CNGA1: variants seen among roughly 807,000 people sequenced by gnomAD.
The protein encoded by CNGA1 is cyclic nucleotide gated channel subunit alpha 1.
A neutral mutation model predicts 69.7 loss-of-function variants in CNGA1; 53 were observed. The observed-to-expected ratio is 0.76, with a 90% CI of 0.61 to 0.96. The LOEUF (loss-of-function observed/expected upper bound fraction) is 0.96. CNGA1 is among the 40% of genes least tolerant of loss of function. The pLI, the probability that CNGA1 is intolerant of heterozygous loss-of-function variation, is 0.00. For synonymous variants in CNGA1, 249 were observed against 283.5 expected, an observed-to-expected ratio of 0.88 and a Z score of 1.22; for missense variants, 739 against 811.2, an observed-to-expected ratio of 0.91 and a Z score of 1.08.
chr4:47,986,844 C>T (rs981043719), intron 2 of CNGA1, among the ~76,000 whole-genome samples: 3 of 152,078 alleles, frequency 2.0e-5, no homozygotes, highest in African/African-American at 7.2e-5. Context: ...AGGAAAGGAA[C>T]TGAACTGGAA....
intron 3 of CNGA1, among the ~76,000 whole-genome samples, chr4:47,955,173 CTTTTTTTTTTTTTT>C (rs377338639): frequency 1.1e-3 from 112 of 98,200 alleles, no homozygotes; most frequent in African/African-American, 4.4e-3. Context: ...TTTTTCTTTT[CTTTTTTTTTTTTTT>C]TTTTTTTTTT....
chr4:47,948,094 A>G (rs1396338806), intron 6 of CNGA1, among the ~76,000 whole-genome samples: 1 of 152,106 alleles, frequency 6.6e-6, no homozygotes, highest in Non-Finnish European at 1.5e-5. Flanking sequence ...CAGGGCTTTG[A>G]CCAGTGCCAT....
chr4:47,990,515 T>G (rs1443616276), intron 2 of CNGA1, among the ~76,000 whole-genome samples: 1 of 152,166 alleles, frequency 6.6e-6, no homozygotes, highest in Non-Finnish European at 1.5e-5. Context: ...AGACAATGCA[T>G]GCACAGTGGG....
intron 2 of CNGA1, among the ~76,000 whole-genome samples, chr4:48,007,519 T>C (rs1714975365): frequency 6.6e-6 from 1 of 152,202 alleles, no homozygotes; most frequent in Non-Finnish European, 1.5e-5. Flanking sequence ...CAAGAGGGCC[T>C]GAAGATGAGG....
At chr4:47,994,860 T>A (rs2110239783) in intron 2 of CNGA1, among the ~76,000 whole-genome samples, 1 of 152,314 alleles carries the variant, frequency 6.6e-6, no homozygotes, top group South Asian at 2.1e-4. Flanking sequence ...GCAGTTCTTG[T>A]AGTGGTGACT....
intron 3 of CNGA1, among the ~76,000 whole-genome samples, chr4:47,976,153 A>G (rs1158565457): frequency 9.9e-5 from 4 of 40,488 alleles, no homozygotes; most frequent in Admixed American, 2.9e-4. Context: ...TCATATGTAT[A>G]TATATATATA....
At chr4:47,972,634 T>A (rs754469623) in intron 3 of CNGA1, among the ~76,000 whole-genome samples, 11 of 152,236 alleles carry the variant, frequency 7.2e-5, no homozygotes, top group Non-Finnish European at 8.8e-5. Flanking sequence ...AACTCTCATG[T>A]GTTTATTAAT....
intron 3 of CNGA1, among the ~76,000 whole-genome samples, chr4:47,978,603 T>C (rs1741538054): frequency 6.6e-6 from 1 of 152,094 alleles, no homozygotes; most frequent in Non-Finnish European, 1.5e-5. Flanking sequence ...TCCATTTGGG[T>C]TTTCTGGATA....
At chr4:47,945,420 T>A (rs541764149) in intron 6 of CNGA1, among the ~76,000 whole-genome samples, 13 of 152,274 alleles carry the variant, frequency 8.5e-5, no homozygotes, top group African/African-American at 2.9e-4. Context: ...TGACCATTAC[T>A]TAGATCACTA....
intron 6 of CNGA1, among the ~76,000 whole-genome samples, chr4:47,946,426 A>G (rs1739400527): frequency 6.6e-6 from 1 of 152,218 alleles, no homozygotes; most frequent in Non-Finnish European, 1.5e-5. Context: ...TCATACTCAC[A>G]GGGGATAACA....
At chr4:47,978,916 T>G (rs1180336695) in intron 3 of CNGA1, among the ~76,000 whole-genome samples, 1 of 152,214 alleles carries the variant, frequency 6.6e-6, no homozygotes, top group Admixed American at 6.5e-5. Context: ...CTATAAAAAT[T>G]GTTAAAGCTC....
rs190095468 is a variant in CNGA1, at chr4:48,010,210, C to T, written c.-123+584G>A. Among the ~76,000 whole-genome samples the T allele has an allele frequency of 2.7e-3, 409 of 152,218 alleles. 2 individuals carry two copies. The highest frequency in any genetic ancestry group is 0.014 in the Middle Eastern group (4 of 294). The stretch of plus-strand genomic sequence containing the variant: ...GATTGATGATGGATGCCAAATCAAA[C>T]ATAAAATTATAGAAATCTATCATAG... On this transcript the variant is annotated intron_variant, in intron 2 of 10. Coordinates refer to ENST00000514170, the MANE Select transcript of CNGA1 (RefSeq NM_001379270.1).
intron 6 of CNGA1, among the ~76,000 whole-genome samples, chr4:47,945,922 C>T (rs1739369897): frequency 6.6e-6 from 1 of 150,680 alleles, no homozygotes; most frequent in Non-Finnish European, 1.5e-5. Flanking sequence ...CAGTGACCCA[C>T]TCTGTGATCA....
chr4:47,963,531 T>C (rs1740572333), intron 3 of CNGA1, among the ~76,000 whole-genome samples: 2 of 152,230 alleles, frequency 1.3e-5, no homozygotes, highest in South Asian at 4.1e-4. Flanking sequence ...TTCATCTTAT[T>C]TTCCTGAATA....
rs199636364 is a variant in CNGA1 at position 47,952,608 on chromosome 4, G to A, written c.82C>T (p.Arg28Ter). 113 of 1,611,590 alleles carry A rather than the reference G, an allele frequency of 7.0e-5. No individual in the cohort carries two copies. Among genetic ancestry groups the A allele is most frequent in the Admixed American group, 8.3e-5 (5 of 59,920 alleles). The change falls in exon 4 of 11, where the codon CGA becomes TGA. Residue 28 changes from arginine to a stop codon, truncating the protein, a stop_gained. Transcript: ENST00000514170. LOFTEE classifies it high-confidence loss of function. The part of the protein sequence containing the change: ...VIVPDIEKEI[R>*]RMENGACSSF... ...CTGCATGCTCCATTTTCCATCCTTC[G>A]TATTTCCTTTTCAATATCTGGTACA...
intron 1 of CNGA1, among the ~76,000 whole-genome samples, chr4:48,016,200 G>C (rs927920367): frequency 7.9e-5 from 12 of 152,154 alleles, no homozygotes; most frequent in African/African-American, 2.9e-4. Flanking sequence ...TTGCCTGCTG[G>C]AGACAGAACG....
chr4:47,937,606 G>A lies in CNGA1; in HGVS notation c.876C>T (p.Asn292=), dbSNP rs1270678438. ...TAACAAGGTTGGAAATCCTGAAGAT[G>A]TTTGGATAGTTTGTCCTTGTTTCTG... ...QRTETRTNYP[N]IFRISNLVMY... is the part of the protein sequence containing the mutation. The change falls in exon 11 of 11, where the codon AAC becomes AAT. Residue 292 remains asparagine (N), a synonymous_variant. Transcript: ENST00000514170. The A allele has an allele frequency of 6.2e-7, 1 of 1,614,136 alleles. No homozygotes were observed. Among genetic ancestry groups the A allele is most frequent in the Non-Finnish European group, 8.5e-7 (1 of 1,179,994 alleles).
In CNGA1 at chr4:47,993,812, T is replaced by G. The variant is rs1054732806; in HGVS notation, c.-122-12312A>C. Among the ~76,000 whole-genome samples the G allele has an allele frequency of 5.3e-5, 8 of 151,904 alleles. No individual in the cohort carries two copies. In the South Asian group the frequency reaches 1.7e-3, roughly 32 times the overall value. ...GTGCTCTTTCAGACTTTCTGATGTG[T>G]TTGGGGCTTTGAATTTCCTGTTAGC... On this transcript the variant is annotated intron_variant, in intron 2 of 10. Coordinates refer to ENST00000514170, the MANE Select transcript of CNGA1 (RefSeq NM_001379270.1).
At chr4:48,004,884 G>C (rs1459336978) in intron 2 of CNGA1, among the ~76,000 whole-genome samples, 1 of 151,560 alleles carries the variant, frequency 6.6e-6, no homozygotes, top group Non-Finnish European at 1.5e-5. Context: ...AGTGGGGGTG[G>C]GGGTAAAGAA....
Sources: allele counts gnomAD v4.1 joint callset (sites outside exome capture counted in the v4.1 genomes callset), GRCh38; gene constraint gnomAD v4.1.1; transcripts MANE v1.5; gene names NCBI Gene and HGNC (gene_info 2026-07-23, HGNC 2026-07-21).